The following NELL2 variants were observed in gnomAD, a reference collection of about 807,000 sequenced individuals.
NELL2 encodes protein kinase C-binding protein NELL2.
A neutral mutation model predicts 109.6 loss-of-function variants in NELL2; 41 were observed. The ratio of observed to expected loss-of-function variants is 0.37; its 90% CI spans 0.29 to 0.49. The LOEUF (loss-of-function observed/expected upper bound fraction) is 0.49. NELL2 is among the 20% of genes least tolerant of loss of function. The pLI is 0.98. For synonymous variants in NELL2, 355 were observed against 344.7 expected, an observed-to-expected ratio of 1.03 and a Z score of -0.33; for missense variants, 900 against 1,008.3, an observed-to-expected ratio of 0.89 and a Z score of 1.45.
chr12:44,680,703 A>G (rs1018682581), intron 12 of NELL2, among the ~76,000 whole-genome samples: 4 of 152,148 alleles, frequency 2.6e-5, no homozygotes, highest in African/African-American at 9.7e-5. Flanking sequence ...TCTGTGGAAT[A>G]ATAATTGACT....
chr12:44,640,657 C>T (rs1195108529), intron 13 of NELL2, among the ~76,000 whole-genome samples: 1 of 151,722 alleles, frequency 6.6e-6, no homozygotes, highest in Non-Finnish European at 1.5e-5. Context: ...GAACTATCTT[C>T]CAGATTGTAT....
chr12:44,554,706 CT>C (rs1943175690), intron 15 of NELL2, among the ~76,000 whole-genome samples: 2 of 152,170 alleles, frequency 1.3e-5, no homozygotes, highest in African/African-American at 4.8e-5. Flanking sequence ...AGAAATTGGT[CT>C]CTAATGATTT....
At chr12:44,690,110 C>A (rs1028344024) in intron 12 of NELL2, among the ~76,000 whole-genome samples, 4 of 152,122 alleles carry the variant, frequency 2.6e-5, no homozygotes, top group South Asian at 4.1e-4. Flanking sequence ...AAATTTGAGA[C>A]CCAACCCTGA....
chr12:44,682,515 T>C (rs1285797812), intron 12 of NELL2, among the ~76,000 whole-genome samples: 9 of 152,296 alleles, frequency 5.9e-5, no homozygotes, highest in African/African-American at 1.9e-4. Context: ...CTGAATGGTA[T>C]TGCCTAGGTT....
At chr12:44,536,681 A>G (rs1942305336) in intron 15 of NELL2, among the ~76,000 whole-genome samples, 1 of 152,040 alleles carries the variant, frequency 6.6e-6, no homozygotes, top group Admixed American at 6.6e-5. Context: ...TATATAAAAA[A>G]CTAAGAGTAA....
chr12:44,897,227 G>A (rs1019815816), intron 1 of NELL2, among the ~76,000 whole-genome samples: 4 of 151,924 alleles, frequency 2.6e-5, no homozygotes, highest in African/African-American at 7.3e-5. Flanking sequence ...TAACATTCTC[G>A]GAAACCACAG....
chr12:44,669,796 T>G (rs1213173931), intron 12 of NELL2, among the ~76,000 whole-genome samples: 1 of 152,166 alleles, frequency 6.6e-6, no homozygotes, highest in Non-Finnish European at 1.5e-5. Flanking sequence ...ATTTGAATTT[T>G]GGGAGTTCCA....
At chr12:44,705,881 T>G (rs1391359416) in intron 11 of NELL2, among the ~76,000 whole-genome samples, 1 of 152,204 alleles carries the variant, frequency 6.6e-6, no homozygotes, top group Non-Finnish European at 1.5e-5. Flanking sequence ...CCATTTCTGA[T>G]ACACCTTTTT....
At chr12:44,631,103 T>C (rs1840424157) in intron 13 of NELL2, among the ~76,000 whole-genome samples, 1 of 151,946 alleles carries the variant, frequency 6.6e-6, no homozygotes, top group African/African-American at 2.4e-5. Context: ...TATACTGGCT[T>C]CTTTTGATTG....
chr12:44,907,644 A>T (rs563362277), intron 1 of NELL2, among the ~76,000 whole-genome samples: 62 of 152,216 alleles, frequency 4.1e-4, no homozygotes, highest in African/African-American at 1.5e-3. Context: ...TTTGCCATAA[A>T]GGGAAGGAGA....
rs181616852 is a variant in NELL2, at chr12:44,520,080, G to A, written c.2325C>T (p.Asp775=). The change falls in exon 19 of 20, where the codon GAC becomes GAT. Residue 775 remains aspartate, a synonymous_variant. Transcript: ENST00000429094. The stretch of plus-strand genomic sequence containing the variant: ...CGGTGAAGCGAACCACATTCATTTC[G>A]TCCAGGCAAGTCTTGGTGATGTCAT... ...IRNDITKTCL[D]EMNVVRFTGS... 113 of 1,614,044 alleles carry A rather than the reference G, an allele frequency of 7.0e-5. No individual in the cohort carries two copies. The East Asian group carries it at 1.7e-3, about 25-fold the overall frequency.
At position 44,851,481 on chromosome 12, in the gene NELL2, A is replaced by T. The variant is rs550429239; in HGVS notation, c.184+23744T>A. 3.3e-5 allele frequency among the ~76,000 whole-genome samples: 5 copies of T among 152,342 alleles called. No homozygotes were observed. The South Asian group carries it at 1.0e-3, about 32-fold the overall frequency. On this transcript the variant is annotated intron_variant, in intron 2 of 19. Coordinates refer to ENST00000429094, the MANE Select transcript of NELL2 (RefSeq NM_001145108.2). ...CCAATAACAAAATATGCACAAATAA[A>T]AAATAGAATGATATAAATGAAGTCA...
intron 12 of NELL2, among the ~76,000 whole-genome samples, chr12:44,684,338 A>G (rs1459817202): frequency 1.3e-5 from 2 of 152,134 alleles, no homozygotes; most frequent in African/African-American, 4.8e-5. Context: ...CTAGTGGTCT[A>G]TCAATTTTGT....
At chr12:44,863,148 T>C (rs1210439548) in intron 2 of NELL2, among the ~76,000 whole-genome samples, 2 of 151,188 alleles carry the variant, frequency 1.3e-5, no homozygotes, top group East Asian at 2.0e-4. Flanking sequence ...CCTGTGTCCA[T>C]GTGTTCTTAT....
rs550152631 is a variant in NELL2, at chr12:44,874,270, T to G, written c.184+955A>C. ...AATAACAACAACAACAACAAAAATC[T>G]GGGTGAGGTAGGGCAAGAAGCTTTA... On this transcript the variant is annotated intron_variant, in intron 2 of 19. Coordinates refer to ENST00000429094, the MANE Select transcript of NELL2 (RefSeq NM_001145108.2). Among the ~76,000 whole-genome samples, 5 of 152,338 alleles carry G rather than the reference T, an allele frequency of 3.3e-5. No individual in the cohort carries two copies. The South Asian group carries it at 1.0e-3, about 32-fold the overall frequency.
chr12:44,644,855 T>C (rs1947033650), intron 13 of NELL2, among the ~76,000 whole-genome samples: 2 of 151,560 alleles, frequency 1.3e-5, no homozygotes, highest in Admixed American at 6.6e-5. Context: ...ACATTATCCT[T>C]GTTTTGTGGG....
chr12:44,917,854 C>A (rs1945840090), upstream of NELL2, among the ~76,000 whole-genome samples: 1 of 152,122 alleles, frequency 6.6e-6, no homozygotes, highest in South Asian at 2.1e-4. Context: ...CTGCAAGTGG[C>A]CTCTAGGACC....
chr12:44,672,199 AC>A (rs1453718584), intron 12 of NELL2, among the ~76,000 whole-genome samples: 3 of 152,138 alleles, frequency 2.0e-5, no homozygotes, highest in Non-Finnish European at 2.9e-5. Flanking sequence ...GGGGTCCCCA[AC>A]CCCGGGATGG....
intron 9 of NELL2, among the ~76,000 whole-genome samples, chr12:44,722,333 T>C (rs1257482385): frequency 1.3e-5 from 2 of 152,116 alleles, no homozygotes; most frequent in Admixed American, 6.5e-5. Flanking sequence ...GCCCCACTAA[T>C]TTTTTAATTT....
Sources: allele counts gnomAD v4.1 joint callset (sites outside exome capture counted in the v4.1 genomes callset), GRCh38; gene constraint gnomAD v4.1.1; transcripts MANE v1.5; gene names NCBI Gene and HGNC (gene_info 2026-07-23, HGNC 2026-07-21).